The following CWC27 variants were observed in gnomAD, a reference collection of about 807,000 sequenced individuals.
CWC27 encodes the protein CWC27 spliceosome associated cyclophilin.
Under a neutral mutation model 63.6 loss-of-function variants are expected in CWC27, and 47 were observed. The ratio of observed to expected loss-of-function variants is 0.74; its 90% CI spans 0.58 to 0.94. The LOEUF (loss-of-function observed/expected upper bound fraction) is 0.94. Ranked by LOEUF, CWC27 falls within the 40% of genes least tolerant of loss-of-function variation. CWC27 has a pLI of 0.00. For missense variants in CWC27, 495 were observed against 554.3 expected (o/e 0.89, Z 1.07); for synonymous variants, 175 against 179.8 (o/e 0.97, Z 0.22).
chr5:64,905,744 A>G (rs977808527), intron 11 of CWC27, among the ~76,000 whole-genome samples: 1 of 152,120 alleles, frequency 6.6e-6, no homozygotes, highest in Non-Finnish European at 1.5e-5. Flanking sequence ...TTTCTTACAT[A>G]GGTATATATG....
At chr5:64,975,592 A>G (rs1027674428) in intron 12 of CWC27, among the ~76,000 whole-genome samples, 3 of 152,110 alleles carry the variant, frequency 2.0e-5, no homozygotes, top group Non-Finnish European at 4.4e-5. Context: ...TGTGATTACA[A>G]AATTATAGCC....
At chr5:64,786,782 T>A (rs193010170) in intron 6 of CWC27, among the ~76,000 whole-genome samples, 155 bp downstream of exon 6, 1 of 152,226 alleles carries the variant, frequency 6.6e-6, no homozygotes, top group Non-Finnish European at 1.5e-5. Flanking sequence ...TTGTATTAGT[T>A]CATTTTTACA....
At chr5:64,917,164 T>C (rs1295767045) in intron 11 of CWC27, among the ~76,000 whole-genome samples, 2 of 152,136 alleles carry the variant, frequency 1.3e-5, no homozygotes, top group Admixed American at 1.3e-4. Flanking sequence ...GGGAGATTAA[T>C]TTTGCAGTAT....
intron 1 of CWC27, among the ~76,000 whole-genome samples, chr5:64,772,521 G>A (rs1273664999): frequency 1.4e-5 from 2 of 147,642 alleles, no homozygotes; most frequent in Non-Finnish European, 3.0e-5. Flanking sequence ...CAGCTACTCA[G>A]GAGGCTAAGG....
intron 10 of CWC27, among the ~76,000 whole-genome samples, chr5:64,849,502 C>T (rs957696819): frequency 2.0e-5 from 3 of 151,974 alleles, no homozygotes; most frequent in African/African-American, 4.8e-5. Context: ...GGTGGTTTCT[C>T]ATGAATGGGT....
intron 11 of CWC27, among the ~76,000 whole-genome samples, chr5:64,970,338 C>G (rs993613782): frequency 3.3e-5 from 5 of 151,810 alleles, no homozygotes; most frequent in Non-Finnish European, 5.9e-5. Context: ...TCAGCCTCTC[C>G]AGTAGCTGGG....
chr5:64,950,467 GA>G (rs1486357174), intron 11 of CWC27, among the ~76,000 whole-genome samples: 1 of 151,644 alleles, frequency 6.6e-6, no homozygotes, highest in African/African-American at 2.4e-5. Context: ...GGAAGGCAAG[GA>G]AAATAAAAAC....
intron 1 of CWC27, 73 bp downstream of exon 1, chr5:64,769,261 G>A (rs1446037358): frequency 1.4e-6 from 2 of 1,383,822 alleles, no homozygotes; most frequent in Admixed American, 3.4e-5. Flanking sequence ...GGGGTGGGGA[G>A]TGGGTTTCAG....
intron 10 of CWC27, among the ~76,000 whole-genome samples, chr5:64,846,605 G>A (rs1745985925): frequency 6.6e-6 from 1 of 152,028 alleles, no homozygotes; most frequent in South Asian, 2.1e-4. Flanking sequence ...AGGATTCAAA[G>A]CATACCACTA....
At chr5:64,861,296 T>A (rs1255493279) in intron 10 of CWC27, among the ~76,000 whole-genome samples, 2 of 152,094 alleles carry the variant, frequency 1.3e-5, no homozygotes, top group Non-Finnish European at 2.9e-5. Flanking sequence ...GGATCAAGCC[T>A]CTTCTTGCAT....
At chr5:64,959,693 G>A (rs933357490) in intron 11 of CWC27, among the ~76,000 whole-genome samples, 10 of 152,186 alleles carry the variant, frequency 6.6e-5, no homozygotes, top group African/African-American at 2.4e-4. Context: ...GTATTTGTAT[G>A]CTAAGGGCCC....
chr5:64,949,549 A>G (rs750120401), intron 11 of CWC27, among the ~76,000 whole-genome samples: 3 of 151,942 alleles, frequency 2.0e-5, no homozygotes, highest in Non-Finnish European at 4.4e-5. Context: ...TCATGTGTCA[A>G]TCCCCTTCAT....
intron 11 of CWC27, among the ~76,000 whole-genome samples, chr5:64,925,229 C>A (rs996867771): frequency 6.6e-6 from 1 of 152,166 alleles, no homozygotes; most frequent in Non-Finnish European, 1.5e-5. Context: ...ACAGGTAGAA[C>A]TGATTTCAGG....
rs141130760 is a variant in CWC27, at chr5:64,906,993, T to C, written c.1042+21447T>C. Among the ~76,000 whole-genome samples the C allele has an allele frequency of 8.4e-3, 1,287 of 152,318 alleles. 19 individuals are homozygous for C. Among genetic ancestry groups the C allele is most frequent in the Middle Eastern group, 0.031 (9 of 294 alleles). On this transcript the variant is annotated intron_variant, in intron 11 of 13. Transcript: ENST00000381070. ...GATGGTTGTAGATGTGTGGTGTTATTTCTGAGGCCTGTGTTCTGTTCTATT... is the reference window on the plus strand; with the variant it reads ...GATGGTTGTAGATGTGTGGTGTTATCTCTGAGGCCTGTGTTCTGTTCTATT...
chr5:64,797,770 AAG>A (rs1454330117), intron 7 of CWC27, among the ~76,000 whole-genome samples: 2 of 152,200 alleles, frequency 1.3e-5, no homozygotes, highest in African/African-American at 2.4e-5. Flanking sequence ...AATACAATAC[AAG>A]AACCCATTTT....
chr5:64,979,584 C>T (rs954179080), intron 13 of CWC27, among the ~76,000 whole-genome samples: 5 of 152,176 alleles, frequency 3.3e-5, no homozygotes, highest in Non-Finnish European at 5.9e-5. Flanking sequence ...ATCTTATATT[C>T]AGAATGATTT....
At chr5:64,957,088 G>A (rs965616215) in intron 11 of CWC27, among the ~76,000 whole-genome samples, 1 of 152,154 alleles carries the variant, frequency 6.6e-6, no homozygotes, top group Admixed American at 6.5e-5. Context: ...TTTAAGGACT[G>A]TTTTGAACAG....
At chr5:64,970,949 G>A (rs538755662) in intron 11 of CWC27, among the ~76,000 whole-genome samples, 133 of 135,930 alleles carry the variant, frequency 9.8e-4, no homozygotes, top group Middle Eastern at 7.0e-3. Flanking sequence ...AAGAGAGAGA[G>A]AGAGAGGGAG....
chr5:64,838,414 G>T (rs1306882171), intron 10 of CWC27, among the ~76,000 whole-genome samples: 1 of 151,992 alleles, frequency 6.6e-6, no homozygotes, highest in Admixed American at 6.6e-5. Context: ...ATACAGATAG[G>T]GTTCCTGAAC....
Sources: allele counts gnomAD v4.1 joint callset (sites outside exome capture counted in the v4.1 genomes callset), GRCh38; gene constraint gnomAD v4.1.1; transcripts MANE v1.5; gene names NCBI Gene and HGNC (gene_info 2026-07-23, HGNC 2026-07-21).